GMDS: variants seen among roughly 807,000 people sequenced by gnomAD.
GMDS encodes the protein GDP-mannose 4,6-dehydratase.
GMDS carries 20 observed loss-of-function variants against 49.9 expected under a neutral mutation model. The ratio of observed to expected loss-of-function variants is 0.40; its 90% CI spans 0.28 to 0.58. The LOEUF (loss-of-function observed/expected upper bound fraction) is 0.58, where lower values mean the gene tolerates loss of function less well. GMDS is among the 20% of genes least tolerant of loss of function. The pLI is 0.42. For synonymous variants in GMDS, 177 were observed against 178.6 expected, an observed-to-expected ratio of 0.99 and a Z score of 0.07; for missense variants, 362 against 481.4, an observed-to-expected ratio of 0.75 and a Z score of 2.32.
intron 1 of GMDS, among the ~76,000 whole-genome samples, chr6:2,134,631 T>C (rs1047798139): frequency 2.0e-5 from 3 of 152,224 alleles, no homozygotes; most frequent in Middle Eastern, 3.2e-3. Context: ...TTTGGTCTAA[T>C]CTTAAAATAC....
intron 7 of GMDS, among the ~76,000 whole-genome samples, chr6:1,908,559 A>C (rs1447394200): frequency 6.6e-6 from 1 of 152,148 alleles, no homozygotes; most frequent in Non-Finnish European, 1.5e-5. Context: ...CATAATTTTA[A>C]TTTCATCATT....
In GMDS at chr6:2,188,488, T is replaced by C. The variant is rs114692158; in HGVS notation, c.102+56833A>G. Among the ~76,000 whole-genome samples the C allele has an allele frequency of 5.7e-3, 864 of 152,294 alleles. 2 individuals are homozygous for C. Among genetic ancestry groups the C allele is most frequent in the Middle Eastern group, 0.017 (5 of 294 alleles). Reference sequence around the variant, plus strand: ...AATGCTATTTTGATATGGACGGGGATTCATTACTGAAGTAGGAAAAAGTAG... The same window carrying C: ...AATGCTATTTTGATATGGACGGGGACTCATTACTGAAGTAGGAAAAAGTAG... On this transcript the variant is annotated intron_variant, in intron 1 of 10. Transcript: ENST00000380815.
intron 7 of GMDS, among the ~76,000 whole-genome samples, chr6:1,773,212 A>C (rs1255667609): frequency 7.0e-6 from 1 of 142,242 alleles, no homozygotes; most frequent in Non-Finnish European, 1.5e-5. Context: ...TTTTTTTTTA[A>C]CTTTAAGAGA....
At chr6:1,653,851 A>G (rs970399486) in intron 9 of GMDS, among the ~76,000 whole-genome samples, 1 of 152,246 alleles carries the variant, frequency 6.6e-6, no homozygotes, top group African/African-American at 2.4e-5. Flanking sequence ...AACTCTGAGA[A>G]GAAAACAGGA....
intron 1 of GMDS, among the ~76,000 whole-genome samples, chr6:2,180,100 C>G (rs1034416857): frequency 1.3e-5 from 2 of 152,188 alleles, no homozygotes; most frequent in African/African-American, 4.8e-5. Flanking sequence ...TACTTCAAGA[C>G]TGCTCAGGAA....
chr6:1,673,465 C>T (rs766294463), intron 9 of GMDS, among the ~76,000 whole-genome samples: 2 of 151,848 alleles, frequency 1.3e-5, no homozygotes, highest in Non-Finnish European at 2.9e-5. Context: ...AGGACCTTTC[C>T]TCCACCCCAC....
intron 8 of GMDS, among the ~76,000 whole-genome samples, chr6:1,728,436 T>C (rs1766669582): frequency 6.6e-6 from 1 of 152,182 alleles, no homozygotes; most frequent in Non-Finnish European, 1.5e-5. Flanking sequence ...AGTCAAAGGG[T>C]TAACAGAAAT....
At chr6:2,062,937 T>C (rs768784347) in intron 4 of GMDS, among the ~76,000 whole-genome samples, 1 of 152,186 alleles carries the variant, frequency 6.6e-6, no homozygotes, top group Non-Finnish European at 1.5e-5. Flanking sequence ...GGCAATATCA[T>C]ACACAAAGCA....
chr6:1,641,850 C>T (rs1171262973), intron 9 of GMDS, among the ~76,000 whole-genome samples: 2 of 152,208 alleles, frequency 1.3e-5, no homozygotes, highest in African/African-American at 4.8e-5. Context: ...GGGGCTCCCC[C>T]ACGCATCTCT....
At chr6:1,711,084 C>A (rs1412418771) in intron 9 of GMDS, among the ~76,000 whole-genome samples, 1 of 152,252 alleles carries the variant, frequency 6.6e-6, no homozygotes, top group Non-Finnish European at 1.5e-5. Flanking sequence ...CCTACAACTA[C>A]ATACATGATG....
intron 9 of GMDS, among the ~76,000 whole-genome samples, chr6:1,670,935 C>T (rs980537292): frequency 6.6e-6 from 1 of 152,206 alleles, no homozygotes; most frequent in Non-Finnish European, 1.5e-5. Context: ...TCATAGTTCC[C>T]TGCTCGCCCG....
chr6:2,122,382 A>T (rs959433631), intron 2 of GMDS, among the ~76,000 whole-genome samples: 2 of 152,162 alleles, frequency 1.3e-5, no homozygotes, highest in Non-Finnish European at 2.9e-5. Context: ...GAAGTCTGTA[A>T]GCATCCAAAA....
At chr6:1,884,199 C>T (rs1011764986) in intron 7 of GMDS, among the ~76,000 whole-genome samples, 1 of 152,190 alleles carries the variant, frequency 6.6e-6, no homozygotes, top group East Asian at 1.9e-4. Flanking sequence ...AAAAGCAGAT[C>T]AATACAACCA....
chr6:1,790,768 C>T (rs1324404274), intron 7 of GMDS, among the ~76,000 whole-genome samples: 1 of 152,128 alleles, frequency 6.6e-6, no homozygotes, highest in Non-Finnish European at 1.5e-5. Context: ...TGACAACAAT[C>T]GTGATACTTA....
intron 8 of GMDS, among the ~76,000 whole-genome samples, chr6:1,734,385 ATG>A (rs1212648295): frequency 6.6e-6 from 1 of 152,238 alleles, no homozygotes; most frequent in Admixed American, 6.5e-5. Context: ...GCCCTTATGA[ATG>A]TCACTTGCTG....
At position 2,070,860 on chromosome 6, in the gene GMDS, A is replaced by T. The variant is rs546344074; in HGVS notation, c.345+44911T>A. The stretch of plus-strand genomic sequence containing the variant: ...AAGGATTCCCATCAGAGTGTATATC[A>T]TAAAACCAGTATCCTGTGGAACACT... On this transcript the variant is annotated intron_variant, in intron 4 of 10. Coordinates refer to ENST00000380815, the MANE Select transcript of GMDS (RefSeq NM_001500.4). Among the ~76,000 whole-genome samples, 20 of 152,336 alleles carry T rather than the reference A, an allele frequency of 1.3e-4. No homozygotes were observed. The East Asian group carries it at 3.9e-3, about 29-fold the overall frequency.
At chr6:2,109,378 G>A (rs549954331) in intron 4 of GMDS, among the ~76,000 whole-genome samples, 1 of 152,324 alleles carries the variant, frequency 6.6e-6, no homozygotes, top group East Asian at 1.9e-4. Flanking sequence ...GTAGTTAAGG[G>A]AATGAGACAA....
In GMDS at chr6:1,954,758, CA is replaced by C. The variant is rs575494434; in HGVS notation, c.643+5108del. Reference sequence around the variant, plus strand: ...ATTCTAGCTCTCTTGCTATTTCCCCCACATCTGCAACTACTTCCTCCACTTG... The same window carrying C: ...ATTCTAGCTCTCTTGCTATTTCCCCCCATCTGCAACTACTTCCTCCACTTG... On this transcript the variant is annotated intron_variant, in intron 6 of 10. Coordinates refer to ENST00000380815, the MANE Select transcript of GMDS (RefSeq NM_001500.4). Among the ~76,000 whole-genome samples, 286 of 152,280 alleles carry C rather than the reference CA, an allele frequency of 1.9e-3. 1 individual carries two copies. Among genetic ancestry groups the C allele is most frequent in the African/African-American group, 6.6e-3 (276 of 41,554 alleles).
At chr6:2,110,707 C>T (rs9378684) in intron 4 of GMDS, among the ~76,000 whole-genome samples, 26,639 of 152,152 alleles carry the variant, frequency 0.18, 2,794 homozygotes, top group Admixed American at 0.22. Flanking sequence ...CTCCCAGGCA[C>T]TCATGCCTCC....
Sources: gnomAD v4.1 joint callset for allele counts (sites outside exome capture counted in the v4.1 genomes callset) on GRCh38, gnomAD v4.1.1 for gene constraint, MANE v1.5 for transcripts, NCBI Gene and HGNC (gene_info 2026-07-23, HGNC 2026-07-21) for gene names.